Variants in FAM241A observed in about 807,000 individuals in gnomAD.
The protein encoded by FAM241A is uncharacterized protein FAM241A.
Under a neutral mutation model 12.2 loss-of-function variants are expected in FAM241A, and 7 were observed. The observed-to-expected ratio is 0.58, with a 90% CI of 0.33 to 1.08. The LOEUF (loss-of-function observed/expected upper bound fraction) is 1.08, where lower values mean the gene tolerates loss of function less well. FAM241A is among the 50% of genes least tolerant of loss of function. The pLI is 0.04. For synonymous variants in FAM241A, 74 were observed against 68.2 expected, an observed-to-expected ratio of 1.08 and a Z score of -0.42; for missense variants, 161 against 169.7, an observed-to-expected ratio of 0.95 and a Z score of 0.29.
At chr4:112,153,440 TGGAGTCATAATCTTATCTTCCA>T (rs1723282876) in intron 1 of FAM241A, among the ~76,000 whole-genome samples, 1 of 152,236 alleles carries the variant, frequency 6.6e-6, no homozygotes, top group Non-Finnish European at 1.5e-5. Context: ...CTGTCTTTTC[TGGAGTCATAATCTTATCTTCCA>T]GTAACAGCCA....
intron 1 of FAM241A, among the ~76,000 whole-genome samples, chr4:112,183,423 C>T (rs1723982073): frequency 1.3e-5 from 2 of 152,046 alleles, no homozygotes; most frequent in Admixed American, 1.3e-4. Flanking sequence ...GCTGTCTCCT[C>T]GCCTGGCCTG....
intron 1 of FAM241A, among the ~76,000 whole-genome samples, chr4:112,153,619 TC>T (rs1473523342): frequency 2.6e-5 from 4 of 152,206 alleles, no homozygotes; most frequent in African/African-American, 9.6e-5. Flanking sequence ...GAAGATACTT[TC>T]TATCTTCTGA....
chr4:112,175,783 A>G (rs536021580), intron 1 of FAM241A, among the ~76,000 whole-genome samples: 1 of 152,190 alleles, frequency 6.6e-6, no homozygotes, highest in South Asian at 2.1e-4. Flanking sequence ...AAAAGAAAGA[A>G]AATGAAATGT....
intron 1 of FAM241A, among the ~76,000 whole-genome samples, chr4:112,156,129 A>G (rs907421908): frequency 6.6e-6 from 1 of 152,126 alleles, no homozygotes; most frequent in African/African-American, 2.4e-5. Flanking sequence ...TATGAGTGTC[A>G]CTCTGTGGAA....
intron 1 of FAM241A, among the ~76,000 whole-genome samples, chr4:112,158,288 C>T (rs1032567178): frequency 6.6e-6 from 1 of 152,110 alleles, no homozygotes; most frequent in Non-Finnish European, 1.5e-5. Flanking sequence ...CTCTAACAAT[C>T]TTGCCATATA....
At chr4:112,170,815 G>A (rs1340833176) in intron 1 of FAM241A, among the ~76,000 whole-genome samples, 1 of 151,618 alleles carries the variant, frequency 6.6e-6, no homozygotes, top group Non-Finnish European at 1.5e-5. Context: ...AAATTTCAGG[G>A]GAAAACAAGT....
At chr4:112,170,276 A>G (rs1211658435) in intron 1 of FAM241A, among the ~76,000 whole-genome samples, 1 of 152,210 alleles carries the variant, frequency 6.6e-6, no homozygotes, top group Non-Finnish European at 1.5e-5. Flanking sequence ...CACAGGGGAT[A>G]CATTCTAAGA....
chr4:112,158,980 C>T (rs944773188), intron 1 of FAM241A, among the ~76,000 whole-genome samples: 1 of 152,114 alleles, frequency 6.6e-6, no homozygotes. Context: ...CCCATACATA[C>T]ATACTTCCCA....
chr4:112,163,837 T>A (rs1013005186), intron 1 of FAM241A, among the ~76,000 whole-genome samples: 3 of 152,058 alleles, frequency 2.0e-5, no homozygotes, highest in Non-Finnish European at 4.4e-5. Flanking sequence ...TTATAAATCA[T>A]GCTGCTATAA....
In FAM241A at chr4:112,182,795, A is replaced by G. The variant is rs116907136; in HGVS notation, c.154-3898A>G. Among the ~76,000 whole-genome samples the G allele has an allele frequency of 1.0e-3, 156 of 152,102 alleles. 1 individual carries two copies. The East Asian group carries it at 0.028, about 27-fold the overall frequency. Reference sequence around the variant, plus strand: ...ACGCTGTAAAATAGAGCTTCCCCCAACCCCCAACAAAGCCCATTGTTAAAC... The same window carrying G: ...ACGCTGTAAAATAGAGCTTCCCCCAGCCCCCAACAAAGCCCATTGTTAAAC... On this transcript the variant is annotated intron_variant, in intron 1 of 1. Transcript: ENST00000309733.
chr4:112,171,570 G>T, intron 1 of FAM241A: 1 of 709,038 alleles, frequency 1.4e-6, no homozygotes, highest in South Asian at 1.4e-5. Flanking sequence ...ATAAAATCTT[G>T]AGTTTATGGC....
intron 1 of FAM241A, among the ~76,000 whole-genome samples, chr4:112,159,372 A>C (rs1195956322): frequency 1.3e-5 from 2 of 152,150 alleles, no homozygotes; most frequent in African/African-American, 4.8e-5. Flanking sequence ...TCTTTGTGGA[A>C]AGATAGGAGG....
intron 1 of FAM241A, among the ~76,000 whole-genome samples, chr4:112,185,437 T>C (rs1229584759): frequency 6.6e-6 from 1 of 152,130 alleles, no homozygotes; most frequent in Non-Finnish European, 1.5e-5. Context: ...ACTCTAGTAG[T>C]AGGCCCAGCA....
rs190739854 is a variant in FAM241A at position 112,194,870 on chromosome 4, C to T, written c.*7932C>T. Reference sequence around the variant, plus strand: ...TCTCGACTCACTGCAACCTCCGCCTCCCAGGTTTAAGCAATTCTCCTGTCT... The same window carrying T: ...TCTCGACTCACTGCAACCTCCGCCTTCCAGGTTTAAGCAATTCTCCTGTCT... On this transcript the variant is annotated 3_prime_UTR_variant, in exon 2 of 2. Transcript: ENST00000309733. The T allele has an allele frequency of 6.6e-6, 1 of 152,354 alleles. No homozygotes were observed. The highest frequency in any genetic ancestry group is 2.4e-5 in the African/African-American group (1 of 41,572). 9.4% of individuals were successfully genotyped at this position (152,354 alleles called of 1,614,324 possible).
At position 112,191,979 on chromosome 4, in the gene FAM241A, C is replaced by T. The variant is rs1179794538; in HGVS notation, c.*5041C>T. On this transcript the variant is annotated 3_prime_UTR_variant, in exon 2 of 2. Transcript: ENST00000309733. ...TTATCAAGTAAACCCACTTCATCTA[C>T]TCATGGTCTTCATATAGACCACTAA... 2.0e-5 allele frequency: 3 copies of T among 152,136 alleles called. No homozygotes were observed. Among genetic ancestry groups the T allele is most frequent in the East Asian group, 1.9e-4 (1 of 5,198 alleles). The allele number at this position is 152,136 out of a possible 1,614,324, so 9.4% of individuals were successfully genotyped here. A position where few individuals can be genotyped will look rare whatever the true frequency, so the allele number is the denominator to read the frequency against.
At chr4:112,151,343 AG>A in intron 1 of FAM241A, among the ~76,000 whole-genome samples, 1 of 152,298 alleles carries the variant, frequency 6.6e-6, no homozygotes, top group South Asian at 2.1e-4. Flanking sequence ...TACCAGAAGG[AG>A]ATGCCAGCAC....
rs572908976 is a variant in FAM241A, at chr4:112,162,701, G to C, written c.153+16968G>C. 2.0e-5 allele frequency among the ~76,000 whole-genome samples: 3 copies of C among 152,264 alleles called. No individual in the cohort carries two copies. In the East Asian group the frequency reaches 5.8e-4, roughly 29 times the overall value. The stretch of plus-strand genomic sequence containing the variant: ...AAGAACATTCCATGCTCATGGGTAG[G>C]AAGAATCAATATCATGAAAATGGCC... On this transcript the variant is annotated intron_variant, in intron 1 of 1. Transcript: ENST00000309733.
intron 1 of FAM241A, among the ~76,000 whole-genome samples, chr4:112,155,809 A>G (rs780908584): frequency 6.6e-5 from 10 of 152,206 alleles, no homozygotes; most frequent in Admixed American, 1.3e-4. Flanking sequence ...ATTTGGCTAT[A>G]TGAGATATAG....
chr4:112,166,655 C>T (rs1365664678), intron 1 of FAM241A, among the ~76,000 whole-genome samples: 1 of 152,082 alleles, frequency 6.6e-6, no homozygotes, highest in Non-Finnish European at 1.5e-5. Context: ...GGGGGAAGTC[C>T]TCTGGTGTCA....
Sources: gnomAD v4.1 joint callset for allele counts (sites outside exome capture counted in the v4.1 genomes callset) on GRCh38, gnomAD v4.1.1 for gene constraint, MANE v1.5 for transcripts, NCBI Gene and HGNC (gene_info 2026-07-23, HGNC 2026-07-21) for gene names.